Variants in STIM2 observed in about 807,000 individuals in gnomAD.
The protein encoded by STIM2 is stromal interaction molecule 2.
STIM2 carries 31 observed loss-of-function variants against 85.8 expected under a neutral mutation model. The observed-to-expected ratio is 0.36, with a 90% confidence interval of 0.27 to 0.49. The LOEUF is 0.49. Ranked by LOEUF, STIM2 falls within the 20% of genes least tolerant of loss-of-function variation. The pLI is 0.98. For synonymous variants in STIM2, 356 were observed against 331.1 expected (o/e 1.08, Z -0.82); for missense variants, 841 against 927.6 (o/e 0.91, Z 1.21).
At chr4:26,885,024 G>T (rs149417835) in intron 1 of STIM2, among the ~76,000 whole-genome samples, 22 of 152,248 alleles carry the variant, frequency 1.4e-4, no homozygotes, top group African/African-American at 5.3e-4. Context: ...TCTAAAACGT[G>T]TGACTTATTT....
intron 1 of STIM2, among the ~76,000 whole-genome samples, chr4:26,880,375 C>T (rs756177301): frequency 4.6e-5 from 7 of 151,976 alleles, no homozygotes; most frequent in Non-Finnish European, 8.8e-5. Flanking sequence ...CCCTGATAAA[C>T]ATACACGGTA....
In STIM2 at chr4:26,860,925, T is replaced by A; in HGVS notation, c.-294T>A. ...ACGCCGTACCTTTCTACCCCCCACC[T>A]TTTTTTTTTTTTTTTTTAAATAACC... On this transcript the variant is annotated 5_prime_UTR_variant, in exon 1 of 12. Transcript: ENST00000467087. The A allele has an allele frequency of 3.0e-4, 2 of 6,574 alleles. No individual in the cohort carries two copies. Among genetic ancestry groups the A allele is most frequent in the Non-Finnish European group, 5.5e-4 (2 of 3,628 alleles). The allele number at this position is 6,574 out of a possible 1,614,324, so 0.4% of individuals were successfully genotyped here.
chr4:26,881,323 C>T (rs553795276), intron 1 of STIM2, among the ~76,000 whole-genome samples: 9 of 151,954 alleles, frequency 5.9e-5, no homozygotes, highest in East Asian at 5.8e-4. Context: ...AAAATTAGCC[C>T]GGTGTGGTGG....
At chr4:26,876,294 A>G (rs1204752957) in intron 1 of STIM2, among the ~76,000 whole-genome samples, 2 of 148,462 alleles carry the variant, frequency 1.3e-5, no homozygotes, top group Non-Finnish European at 1.5e-5. Context: ...AAGATGTTAG[A>G]CAGTCTCTCC....
At chr4:26,932,357 G>T (rs2109075288) in intron 2 of STIM2, among the ~76,000 whole-genome samples, 1 of 152,244 alleles carries the variant, frequency 6.6e-6, no homozygotes, top group African/African-American at 2.4e-5. Flanking sequence ...TAAGTGGTCA[G>T]TCGGTTTTTG....
At chr4:26,867,913 A>C (rs1471213222) in intron 1 of STIM2, among the ~76,000 whole-genome samples, 3 of 152,162 alleles carry the variant, frequency 2.0e-5, no homozygotes, top group Non-Finnish European at 4.4e-5. Context: ...TCCTCCTCAG[A>C]GAACTTCATT....
At chr4:26,921,194 A>G (rs181544488) in intron 2 of STIM2, among the ~76,000 whole-genome samples, 1 of 152,318 alleles carries the variant, frequency 6.6e-6, no homozygotes, top group East Asian at 1.9e-4. Context: ...ACTGCAAATC[A>G]AGGAATGCTA....
intron 3 of STIM2, among the ~76,000 whole-genome samples, chr4:26,993,012 G>A (rs1416947307): frequency 6.6e-6 from 1 of 152,102 alleles, no homozygotes; most frequent in Non-Finnish European, 1.5e-5. Context: ...ACTGGAAATT[G>A]TGGGATGACT....
chr4:26,972,285 G>A (rs1031732243), intron 3 of STIM2, among the ~76,000 whole-genome samples: 1 of 152,162 alleles, frequency 6.6e-6, no homozygotes, highest in Non-Finnish European at 1.5e-5. Context: ...ATGTTGAATA[G>A]GAGTGGTGAG....
chr4:26,941,118 CA>C (rs1490134606), intron 2 of STIM2, among the ~76,000 whole-genome samples: 2 of 152,110 alleles, frequency 1.3e-5, no homozygotes, highest in Non-Finnish European at 2.9e-5. Flanking sequence ...TTACTTTAAC[CA>C]AAGTGACCTA....
At chr4:26,880,969 T>C (rs1722994784) in intron 1 of STIM2, among the ~76,000 whole-genome samples, 1 of 152,012 alleles carries the variant, frequency 6.6e-6, no homozygotes, top group African/African-American at 2.4e-5. Flanking sequence ...GAAAGAACCA[T>C]TTTGGTATTG....
At chr4:26,888,683 G>A (rs992695587) in intron 1 of STIM2, among the ~76,000 whole-genome samples, 23 of 152,136 alleles carry the variant, frequency 1.5e-4, no homozygotes, top group African/African-American at 5.5e-4. Flanking sequence ...GAAGGGTCTG[G>A]GCATACCCAA....
intron 1 of STIM2, among the ~76,000 whole-genome samples, chr4:26,899,927 T>C (rs1477894753): frequency 6.6e-6 from 1 of 152,234 alleles, no homozygotes; most frequent in African/African-American, 2.4e-5. Context: ...CTCTGCCAAT[T>C]ACTGTCTTGA....
intron 1 of STIM2, among the ~76,000 whole-genome samples, chr4:26,902,364 G>A (rs541465070): frequency 2.6e-4 from 40 of 152,270 alleles, no homozygotes; most frequent in African/African-American, 9.6e-4. Context: ...TTAGAAGATT[G>A]TCCTAGTCTT....
chr4:26,963,156 T>G (rs982194877), intron 3 of STIM2, among the ~76,000 whole-genome samples: 1 of 152,102 alleles, frequency 6.6e-6, no homozygotes, highest in Non-Finnish European at 1.5e-5. Flanking sequence ...TTCTTTTTGT[T>G]TAGGACAGCG....
chr4:26,945,432 A>T (rs1173035104), intron 2 of STIM2, among the ~76,000 whole-genome samples: 2 of 152,102 alleles, frequency 1.3e-5, no homozygotes, highest in Admixed American at 1.3e-4. Context: ...TTATAATGAT[A>T]GATATGATTT....
intron 1 of STIM2, among the ~76,000 whole-genome samples, chr4:26,891,918 A>G (rs895022653): frequency 2.0e-5 from 3 of 152,126 alleles, no homozygotes; most frequent in Non-Finnish European, 2.9e-5. Flanking sequence ...CATAATTCCT[A>G]TGTGTTGTGC....
At chr4:26,941,220 C>G (rs1016790295) in intron 2 of STIM2, among the ~76,000 whole-genome samples, 5 of 152,094 alleles carry the variant, frequency 3.3e-5, no homozygotes, top group African/African-American at 1.2e-4. Context: ...TTTCATCTTG[C>G]TTGTCAAACC....
chr4:26,907,048 C>T (rs1724157444), intron 1 of STIM2, among the ~76,000 whole-genome samples: 2 of 151,670 alleles, frequency 1.3e-5, no homozygotes, highest in African/African-American at 2.4e-5. Flanking sequence ...GAGTCTCAGG[C>T]ATTTGGGATA....
Sources: gnomAD v4.1 joint callset for allele counts (sites outside exome capture counted in the v4.1 genomes callset) on GRCh38, gnomAD v4.1.1 for gene constraint, MANE v1.5 for transcripts, NCBI Gene and HGNC (gene_info 2026-07-23, HGNC 2026-07-21) for gene names.